Variants in RYR3 observed in about 807,000 individuals in gnomAD.
RYR3 encodes the protein ryanodine receptor 3.
RYR3 carries 207 observed loss-of-function variants against 584.3 expected under a neutral mutation model. That is an observed-to-expected ratio of 0.35 (90% CI 0.32 to 0.40). The LOEUF (loss-of-function observed/expected upper bound fraction) is 0.40, where lower values mean the gene tolerates loss of function less well. RYR3 is among the 10% of genes least tolerant of loss of function. The pLI is 1.00. For missense variants in RYR3, 5,616 were observed against 6,089.2 expected (o/e 0.92, Z 2.59); for synonymous variants, 2,416 against 2,248.5 (o/e 1.07, Z -2.11).
intron 53 of RYR3, among the ~76,000 whole-genome samples, chr15:33,747,185 G>A (rs953011901): frequency 6.6e-6 from 1 of 151,990 alleles, no homozygotes; most frequent in African/African-American, 2.4e-5. Flanking sequence ...TTAAGAGAAT[G>A]CATCTCTTGC....
chr15:33,498,150 T>C (rs1205119314), intron 2 of RYR3, among the ~76,000 whole-genome samples: 1 of 152,204 alleles, frequency 6.6e-6, no homozygotes. Context: ...CTTTGCTATG[T>C]AATATGCAAT....
chr15:33,635,891 T>C (rs1329907034), intron 26 of RYR3, 72 bp downstream of exon 26: 2 of 1,316,836 alleles, frequency 1.5e-6, no homozygotes, highest in Non-Finnish European at 2.1e-6. Flanking sequence ...TTCTGGAAGC[T>C]CAAATTACTG....
intron 1 of RYR3, among the ~76,000 whole-genome samples, chr15:33,399,468 G>GTC (rs1266945037): frequency 6.6e-6 from 1 of 152,024 alleles, no homozygotes; most frequent in Non-Finnish European, 1.5e-5. Context: ...GTGAAAACCT[G>GTC]TCTCTATTAA....
intron 60 of RYR3, among the ~76,000 whole-genome samples, chr15:33,761,929 C>A (rs1163055696): frequency 3.9e-5 from 6 of 152,152 alleles, no homozygotes; most frequent in Admixed American, 2.6e-4. Context: ...TCGACTTTAT[C>A]CCTGGGATCC....
chr15:33,820,551 T>C (rs1229303139), intron 77 of RYR3, among the ~76,000 whole-genome samples: 2 of 152,368 alleles, frequency 1.3e-5, no homozygotes, highest in African/African-American at 4.8e-5. Context: ...TTCTCATTTC[T>C]GAACTCTATG....
At chr15:33,378,419 T>C (rs972663453) in intron 1 of RYR3, among the ~76,000 whole-genome samples, 5 of 152,198 alleles carry the variant, frequency 3.3e-5, no homozygotes, top group African/African-American at 1.2e-4. Flanking sequence ...CAGCAGAAAC[T>C]TAAAAGGGTT....
At chr15:33,773,672 C>A in intron 64 of RYR3, 57 bp downstream of exon 64, 8 of 1,086,996 alleles carry the variant, frequency 7.4e-6, no homozygotes, top group South Asian at 2.7e-5. Flanking sequence ...TTACTTACAG[C>A]CTTTTACACA....
At chr15:33,765,647 AAAAAAAAAG>A (rs2072978854) in intron 60 of RYR3, among the ~76,000 whole-genome samples, 3 of 151,544 alleles carry the variant, frequency 2.0e-5, no homozygotes, top group Non-Finnish European at 4.4e-5. Flanking sequence ...AAAAAAAAAA[AAAAAAAAAG>A]AAAATAGTCT....
At position 33,701,004 on chromosome 15, in the gene RYR3, C is replaced by T. The variant is rs765412794; in HGVS notation, c.6407C>T (p.Pro2136Leu). 1.1e-5 allele frequency: 18 copies of T among 1,613,330 alleles called. No homozygotes were observed. Among genetic ancestry groups the T allele is most frequent in the Middle Eastern group, 1.6e-4 (1 of 6,082 alleles). The change falls in exon 42 of 104, where the codon CCG becomes CTG. Residue 2136 changes from proline (P) to leucine (L), a missense_variant. Transcript: ENST00000634891. ...TCCCCGTCGATGAGGGGATCCACCCCGCTGGATGTGGCAGCTTCCTCTGTG... is the reference window on the plus strand; with the variant it reads ...TCCCCGTCGATGAGGGGATCCACCCTGCTGGATGTGGCAGCTTCCTCTGTG... The part of the protein sequence containing the change: ...LASPSMRGST[P>L]LDVAASSVMD...
At chr15:33,471,725 G>T (rs1019499969) in intron 1 of RYR3, among the ~76,000 whole-genome samples, 10 of 151,876 alleles carry the variant, frequency 6.6e-5, no homozygotes, top group African/African-American at 2.4e-4. Context: ...TGGTGGGGGA[G>T]ACACATAACT....
intron 102 of RYR3, among the ~76,000 whole-genome samples, chr15:33,863,548 A>G (rs1366001252): frequency 6.6e-6 from 1 of 152,242 alleles, no homozygotes; most frequent in Admixed American, 6.5e-5. Context: ...CTGAGAGTTC[A>G]GCCCCTGCCC....
chr15:33,810,773 G>C, intron 71 of RYR3, 124 bp downstream of exon 71: 17 of 1,250,332 alleles, frequency 1.4e-5, no homozygotes, highest in Non-Finnish European at 1.9e-5. Context: ...AAACCAGTGT[G>C]TATGGAGGCA....
Position 33,649,084 on chromosome 15 carries a change from G to T in RYR3, c.3991G>T (p.Ala1331Ser), listed in dbSNP as rs758679094. 8 of 1,612,962 alleles carry T rather than the reference G, an allele frequency of 5.0e-6. No individual in the cohort carries two copies. The highest frequency in any genetic ancestry group is 4.0e-5 in the African/African-American group (3 of 74,880). Residue 1331 changes from alanine (A) to serine (S), a missense_variant, in exon 31 of 104, where the codon GCC (alanine) becomes TCC (serine). By Grantham distance (99) the Ala-to-Ser change is moderately conservative. Coordinates refer to ENST00000634891, the MANE Select transcript of RYR3 (RefSeq NM_001036.6). ...GGTCTCTCCACAGCAGTGCTACTAC[G>T]CCATCCGCATCTTTGCTGGACAGGA... Reference protein sequence around the residue: ...LSHTTTQCYYAIRIFAGQDPS... With the variant: ...LSHTTTQCYYSIRIFAGQDPS...
intron 10 of RYR3, among the ~76,000 whole-genome samples, chr15:33,550,707 A>G (rs2056614052): frequency 1.4e-5 from 2 of 144,772 alleles, no homozygotes; most frequent in Non-Finnish European, 3.0e-5. Flanking sequence ...TCAGAGCTAC[A>G]TTTGTTTAAA....
At chr15:33,828,104 T>A (rs572957583) in intron 85 of RYR3, among the ~76,000 whole-genome samples, 35 of 152,326 alleles carry the variant, frequency 2.3e-4, no homozygotes, top group South Asian at 4.2e-4. Flanking sequence ...TTCACTATTA[T>A]ATCTATTATG....
chr15:33,734,828 T>C (rs1049875854), intron 48 of RYR3, among the ~76,000 whole-genome samples: 2 of 151,878 alleles, frequency 1.3e-5, no homozygotes, highest in African/African-American at 2.4e-5. Flanking sequence ...TAGCTGGGAC[T>C]ATAGGCACCC....
chr15:33,771,391 G>A (rs2073560578), intron 62 of RYR3, among the ~76,000 whole-genome samples: 1 of 151,942 alleles, frequency 6.6e-6, no homozygotes, highest in Non-Finnish European at 1.5e-5. Context: ...AAAATTAGCT[G>A]GGCGTGGTGG....
At chr15:33,467,645 C>A (rs1053575308) in intron 1 of RYR3, among the ~76,000 whole-genome samples, 5 of 152,190 alleles carry the variant, frequency 3.3e-5, no homozygotes, top group African/African-American at 1.2e-4. Flanking sequence ...GGCTGTATAT[C>A]CTTGTTCAGG....
At chr15:33,623,772 T>C in intron 19 of RYR3, 35 bp from the exon 20 acceptor site, 1 of 1,434,756 alleles carries the variant, frequency 7.0e-7, no homozygotes, top group Non-Finnish European at 9.8e-7. Flanking sequence ...TGTTTTTTTT[T>C]TAACCTCTGT....
Sources: allele counts gnomAD v4.1 joint callset (sites outside exome capture counted in the v4.1 genomes callset), GRCh38; gene constraint gnomAD v4.1.1; transcripts MANE v1.5; gene names NCBI Gene and HGNC (gene_info 2026-07-23, HGNC 2026-07-21).